CORO7: variants seen among roughly 807,000 people sequenced by gnomAD.
CORO7 encodes the protein coronin-7.
In CORO7, 107 loss-of-function variants were observed where a neutral mutation model predicts 126.6. The ratio of observed to expected loss-of-function variants is 0.85; its 90% CI spans 0.72 to 0.99. The LOEUF is 0.99. Ranked by LOEUF, CORO7 falls within the 50% of genes least tolerant of loss-of-function variation. The probability of loss-of-function intolerance (pLI) is 0.00; values close to 1 mark genes in which losing one functional copy is unlikely to be tolerated. For missense variants in CORO7, 1,314 were observed against 1,255.8 expected, an observed-to-expected ratio of 1.05 and a Z score of -0.70; for synonymous variants, 603 against 536.8, an observed-to-expected ratio of 1.12 and a Z score of -1.70.
At chr16:4,371,657 G>C (rs541725733) in intron 9 of CORO7, among the ~76,000 whole-genome samples, 1 of 152,350 alleles carries the variant, frequency 6.6e-6, no homozygotes, top group African/African-American at 2.4e-5. Context: ...AACCCACGAC[G>C]GGCAAGGTCT....
At chr16:4,391,067 G>A (rs905733513) in intron 7 of CORO7, among the ~76,000 whole-genome samples, 25 of 152,198 alleles carry the variant, frequency 1.6e-4, no homozygotes, top group Non-Finnish European at 2.8e-4. Flanking sequence ...AGGTGAGGGA[G>A]GGGGTCAGTG....
chr16:4,416,399 G>A, intron 1 of CORO7, 60 bp downstream of exon 1: 1 of 1,494,896 alleles, frequency 6.7e-7, no homozygotes. Flanking sequence ...GTCCGGGCAG[G>A]GGGAGGGGCA....
intron 1 of CORO7, chr16:4,415,731 G>A (rs958468000): frequency 4.1e-6 from 4 of 985,388 alleles, no homozygotes; most frequent in South Asian, 4.7e-5. Flanking sequence ...CACGGAAAGC[G>A]GAAGAGCAGA....
chr16:4,361,720 G>A (rs1002829053), intron 16 of CORO7: 76 of 790,504 alleles, frequency 9.6e-5, no homozygotes, highest in Admixed American at 1.2e-4. Flanking sequence ...TCAGGTGGCC[G>A]GGCTTCGGAT....
In CORO7 at chr16:4,362,143, G is replaced by T; in HGVS notation, c.1420C>A (p.Arg474Ser). The change falls in exon 16 of 28, where the codon CGC (arginine) becomes AGC (serine). Residue 474 changes from arginine (R) to serine (S), a missense_variant. Physicochemically the swap from Arg to Ser is moderately radical, Grantham distance 110. Coordinates refer to ENST00000251166, the MANE Select transcript of CORO7 (RefSeq NM_024535.5). This position sits in a 1 kb window ranked among gnomAD's most constrained non-coding sequence, Gnocchi z 5.3. Reference sequence around the variant, plus strand: ...TGCAGGACAGTGCCCTGAGCATGGCGGAACTTGGAACTGGGGCCTGGCAGG... The same window carrying T: ...TGCAGGACAGTGCCCTGAGCATGGCTGAACTTGGAACTGGGGCCTGGCAGG... Reference protein sequence around the residue: ...QSLLGPSSKFRHAQGTVLHRD... With the variant: ...QSLLGPSSKFSHAQGTVLHRD... The T allele has an allele frequency of 6.2e-7, 1 of 1,607,448 alleles. No individual in the cohort carries two copies. The highest frequency in any genetic ancestry group is 1.1e-5 in the South Asian group (1 of 90,836).
intron 1 of CORO7, chr16:4,415,949 G>A: frequency 8.4e-6 from 8 of 954,838 alleles, no homozygotes; most frequent in Non-Finnish European, 1.0e-5. Flanking sequence ...AAACCCGAGG[G>A]AGGGGCGCGT....
chr16:4,416,501 C>T lies in CORO7; in HGVS notation c.18G>A (p.Val6=), dbSNP rs1200332863. The T allele has an allele frequency of 3.8e-6, 6 of 1,579,802 alleles. No individual in the cohort carries two copies. The highest frequency in any genetic ancestry group is 5.1e-6 in the Non-Finnish European group (6 of 1,166,088). The change falls in exon 1 of 28, where the codon GTG becomes GTA. Residue 6 remains valine (V), a synonymous_variant. Transcript: ENST00000251166. MNRFR[V]SKFRHTEARP... ...GAGCCTCGGTGTGCCGGAACTTGGA[C>T]ACCCTGAAGCGGTTCATGGCGACGG...
intron 9 of CORO7, chr16:4,382,309 G>C (rs1355514948): frequency 1.9e-6 from 3 of 1,610,734 alleles, no homozygotes; most frequent in African/African-American, 1.3e-5. Flanking sequence ...CTCCCTGCGC[G>C]TGGGGCTGCA....
chr16:4,415,659 G>A, intron 1 of CORO7: 2 of 965,278 alleles, frequency 2.1e-6, no homozygotes, highest in Non-Finnish European at 1.2e-6. Context: ...ACCCTGATGG[G>A]GTCACTTGAG....
chr16:4,357,470 C>T (rs1274901382), intron 25 of CORO7: 2 of 518,796 alleles, frequency 3.9e-6, no homozygotes, highest in Non-Finnish European at 6.6e-6. Flanking sequence ...AGCGATTCTC[C>T]TGCTTCAGCC....
At chr16:4,390,903 G>A (rs531780581) in intron 7 of CORO7, among the ~76,000 whole-genome samples, 1 of 152,342 alleles carries the variant, frequency 6.6e-6, no homozygotes. Context: ...CCCCAGAAAC[G>A]CTCTGCTTCC....
At chr16:4,367,685 A>C (rs895955483) in intron 9 of CORO7, among the ~76,000 whole-genome samples, 1 of 152,172 alleles carries the variant, frequency 6.6e-6, no homozygotes, top group Non-Finnish European at 1.5e-5. Context: ...AGTTTCAGAG[A>C]GAACACAACC....
chr16:4,404,262 G>A (rs1041370344), intron 6 of CORO7, among the ~76,000 whole-genome samples: 1 of 152,114 alleles, frequency 6.6e-6, no homozygotes, highest in South Asian at 2.1e-4. Context: ...CTTCAGGCTC[G>A]GCACACCTCC....
At chr16:4,386,356 G>A (rs1396029929) in intron 9 of CORO7, among the ~76,000 whole-genome samples, 3 of 152,212 alleles carry the variant, frequency 2.0e-5, no homozygotes, top group Non-Finnish European at 4.4e-5. Context: ...TCAGGGGATG[G>A]GGACCCTGTC....
chr16:4,376,242 G>C (rs953302669), intron 9 of CORO7, among the ~76,000 whole-genome samples: 1 of 152,208 alleles, frequency 6.6e-6, no homozygotes, highest in Non-Finnish European at 1.5e-5. Context: ...GGACCCAGCC[G>C]GGCCCTGAGC....
chr16:4,382,408 C>T (rs1440096476), intron 9 of CORO7: 1 of 1,611,728 alleles, frequency 6.2e-7, no homozygotes, highest in Non-Finnish European at 8.5e-7. Context: ...GCTGGTGACG[C>T]TGCGACTGCC....
At chr16:4,367,850 G>A (rs1254927161) in intron 9 of CORO7, among the ~76,000 whole-genome samples, 1 of 152,038 alleles carries the variant, frequency 6.6e-6, no homozygotes. Context: ...TGGGGAGGGG[G>A]AGTTCTGCCT....
intron 6 of CORO7, among the ~76,000 whole-genome samples, chr16:4,404,639 C>T (rs1159781103): frequency 6.6e-6 from 1 of 152,148 alleles, no homozygotes; most frequent in Non-Finnish European, 1.5e-5. Flanking sequence ...CTCTAGCGCC[C>T]CCTCTCTGCC....
intron 23 of CORO7, 161 bp downstream of exon 23, chr16:4,359,135 G>T: frequency 1.3e-6 from 1 of 746,994 alleles, no homozygotes; most frequent in Non-Finnish European, 2.1e-6. Flanking sequence ...AATAATTCCA[G>T]CAGCAACTCT....
Sources: allele counts gnomAD v4.1 joint callset (sites outside exome capture counted in the v4.1 genomes callset), GRCh38; gene constraint gnomAD v4.1.1; non-coding constraint Gnocchi (gnomAD v3.1); transcripts MANE v1.5; gene names NCBI Gene and HGNC (gene_info 2026-07-23, HGNC 2026-07-21).